ZNF782: variants seen among roughly 807,000 people sequenced by gnomAD.
ZNF782 encodes the protein zinc finger protein 782.
In ZNF782, 12 loss-of-function variants were observed where a neutral mutation model predicts 13.0. The observed-to-expected ratio is 0.92, with a 90% CI of 0.59 to 1.50. The LOEUF (loss-of-function observed/expected upper bound fraction) is 1.50, where lower values mean the gene tolerates loss of function less well. Among genes scored for constraint, ZNF782 ranks in the 40% most tolerant of loss-of-function variants. The pLI is 0.00. For synonymous variants in ZNF782, 284 were observed against 283.0 expected, an observed-to-expected ratio of 1.00 and a Z score of -0.04; for missense variants, 770 against 822.9, an observed-to-expected ratio of 0.94 and a Z score of 0.79.
the ZNF782 span, among the ~76,000 whole-genome samples, chr9:96,884,458 T>C: frequency 1.3e-5 from 2 of 152,132 alleles, no homozygotes; most frequent in Non-Finnish European, 2.9e-5. Context: ...TTCTCCCCTT[T>C]CCTGATATCA....
chr9:96,850,137 T>C lies in ZNF782; in HGVS notation c.15+1810A>G, dbSNP rs549300934. 2.0e-4 allele frequency among the ~76,000 whole-genome samples: 30 copies of C among 152,276 alleles called. No individual in the cohort carries two copies. The highest frequency in any genetic ancestry group is 7.2e-4 in the African/African-American group (30 of 41,538). On this transcript the variant is annotated intron_variant, in intron 3 of 5. Transcript: ENST00000481138. The surrounding 1 kb of genome is among the most constrained non-coding windows in gnomAD (Gnocchi z 4.3). ...AACTAAAAGTAGATCTACCATTCGA[T>C]CTAGCAATCCCACTACTGGGTATCT...
the ZNF782 span, among the ~76,000 whole-genome samples, chr9:96,882,606 TA>T: frequency 6.6e-6 from 1 of 152,216 alleles, no homozygotes; most frequent in Non-Finnish European, 1.5e-5. Flanking sequence ...CTAATCACTG[TA>T]AACTATGGAA....
the ZNF782 span, among the ~76,000 whole-genome samples, chr9:96,913,683 T>C: frequency 2.0e-5 from 3 of 151,734 alleles, no homozygotes; most frequent in African/African-American, 7.3e-5. Context: ...CCACCACACC[T>C]AGCTAATTTT....
At chr9:96,834,809 C>T (rs1393273740) in intron 4 of ZNF782, among the ~76,000 whole-genome samples, 2 of 152,040 alleles carry the variant, frequency 1.3e-5, no homozygotes, top group African/African-American at 4.8e-5. Flanking sequence ...CCTGAAAATG[C>T]GGAAGTAGCT....
the ZNF782 span, among the ~76,000 whole-genome samples, chr9:96,922,311 T>G: frequency 6.6e-6 from 1 of 152,176 alleles, no homozygotes; most frequent in Non-Finnish European, 1.5e-5. Flanking sequence ...ACAAATGTGT[T>G]TGACTTCAAA....
upstream of ZNF782, among the ~76,000 whole-genome samples, chr9:96,857,063 A>C (rs74485430): frequency 6.6e-6 from 1 of 152,312 alleles, no homozygotes; most frequent in Admixed American, 6.5e-5. Context: ...GTTTTTGTGA[A>C]AAGATTAACA....
the ZNF782 span, among the ~76,000 whole-genome samples, chr9:96,920,040 A>G: frequency 6.6e-6 from 1 of 151,240 alleles, no homozygotes; most frequent in Non-Finnish European, 1.5e-5. Flanking sequence ...ATTAAGAAGT[A>G]GGTAAACTTC....
the ZNF782 span, chr9:96,893,947 C>T: frequency 1.5e-5 from 2 of 132,334 alleles, no homozygotes; most frequent in East Asian, 2.1e-4. Flanking sequence ...TTGCAGTGAG[C>T]GGAGATCGCG....
At chr9:96,879,494 C>T (rs1851937070), upstream of ZNF782, among the ~76,000 whole-genome samples, 1 of 152,188 alleles carries the variant, frequency 6.6e-6, no homozygotes, top group African/African-American at 2.4e-5. Flanking sequence ...CAGAGCAAGA[C>T]TCCGTCTCAA....
Position 96,859,702 on chromosome 9 carries a change from G to T in ZNF782, c.-207+539C>A, listed in dbSNP as rs559395934. On this transcript the variant is annotated intron_variant, in intron 3 of 5. Transcript: ENST00000498811. ...GTGACCCCGCACATTCCCAGCTGTGGTGTCTGTGAGGAGAGACTCCCTCTG... is the reference window on the plus strand; with the variant it reads ...GTGACCCCGCACATTCCCAGCTGTGTTGTCTGTGAGGAGAGACTCCCTCTG... 2.0e-5 allele frequency among the ~76,000 whole-genome samples: 3 copies of T among 152,332 alleles called. No homozygotes were observed. The East Asian group carries it at 5.8e-4, about 29-fold the overall frequency.
the ZNF782 span, among the ~76,000 whole-genome samples, chr9:96,931,101 T>C: frequency 2.0e-5 from 3 of 151,976 alleles, no homozygotes; most frequent in East Asian, 5.8e-4. Flanking sequence ...TTGGCCAGAC[T>C]GGTCTTCAAC....
At chr9:96,831,169 G>A (rs767973174) in intron 4 of ZNF782, among the ~76,000 whole-genome samples, 17 of 152,186 alleles carry the variant, frequency 1.1e-4, no homozygotes, top group Non-Finnish European at 1.9e-4. Flanking sequence ...GTTAGTGACT[G>A]CCATGAGTTA....
upstream of ZNF782, among the ~76,000 whole-genome samples, chr9:96,856,361 A>G (rs1455544104): frequency 6.6e-6 from 1 of 152,236 alleles, no homozygotes; most frequent in Admixed American, 6.5e-5. Context: ...TCTGATGGTT[A>G]TTAGATGGGA....
At chr9:96,827,032 C>A in intron 5 of ZNF782, 48 bp downstream of exon 5, 1 of 1,261,756 alleles carries the variant, frequency 7.9e-7, no homozygotes, top group Non-Finnish European at 1.1e-6. Flanking sequence ...TGTGTGAGTA[C>A]TCCTAGTGAA....
Position 96,817,781 on chromosome 9 carries a change from C to T in ZNF782, c.*142G>A. 1.4e-6 allele frequency: 1 copy of T among 689,742 alleles called. No homozygotes were observed. The highest frequency in any genetic ancestry group is 2.3e-6 in the Non-Finnish European group (1 of 442,226). 42.7% of individuals were successfully genotyped at this position (689,742 alleles called of 1,614,324 possible). A position where few individuals can be genotyped will look rare whatever the true frequency, so the allele number is the denominator to read the frequency against. ...AGATTTCAACAATTTATCTTCTATTCTTTGATATTTGGTGGAGGCTGAAAT... is the reference window on the plus strand; with the variant it reads ...AGATTTCAACAATTTATCTTCTATTTTTTGATATTTGGTGGAGGCTGAAAT... On this transcript the variant is annotated 3_prime_UTR_variant, in exon 6 of 6. Coordinates refer to ENST00000481138, the MANE Select transcript of ZNF782 (RefSeq NM_001001662.3).
chr9:96,910,805 T>C, the ZNF782 span, among the ~76,000 whole-genome samples: 2 of 149,014 alleles, frequency 1.3e-5, no homozygotes, highest in African/African-American at 4.9e-5. Flanking sequence ...CCCGGCTGAT[T>C]TTTTGTATTT....
the ZNF782 span, among the ~76,000 whole-genome samples, chr9:96,914,103 A>G: frequency 6.6e-6 from 1 of 151,290 alleles, no homozygotes; most frequent in Non-Finnish European, 1.5e-5. Context: ...CATTATTATT[A>G]TTTTTTTGGG....
At chr9:96,843,113 C>G (rs1178750184) in intron 4 of ZNF782, among the ~76,000 whole-genome samples, 1 of 152,108 alleles carries the variant, frequency 6.6e-6, no homozygotes, top group African/African-American at 2.4e-5. Context: ...CAAAATGGTA[C>G]AGCAACTCTG....
chr9:96,920,147 T>G, the ZNF782 span, among the ~76,000 whole-genome samples: 1 of 149,288 alleles, frequency 6.7e-6, no homozygotes, highest in Non-Finnish European at 1.5e-5. Flanking sequence ...ATAGTTGTAT[T>G]TTAGTACAGT....
Sources: gnomAD v4.1 joint callset for allele counts (sites outside exome capture counted in the v4.1 genomes callset) on GRCh38, gnomAD v4.1.1 for gene constraint, Gnocchi (gnomAD v3.1) non-coding constraint, MANE v1.5 for transcripts, NCBI Gene and HGNC (gene_info 2026-07-23, HGNC 2026-07-21) for gene names.